SEC22A: variants seen among roughly 807,000 people sequenced by gnomAD.
SEC22A encodes the protein SEC22 homolog A, vesicle trafficking protein.
A neutral mutation model predicts 35.3 loss-of-function variants in SEC22A; 22 were observed. The observed-to-expected ratio is 0.62, with a 90% CI of 0.45 to 0.89. SEC22A has a LOEUF of 0.89. Among genes scored for constraint, SEC22A ranks in the 40% least tolerant of loss-of-function variants. The pLI is 0.00. For synonymous variants in SEC22A, 119 were observed against 129.5 expected, an observed-to-expected ratio of 0.92 and a Z score of 0.55; for missense variants, 354 against 362.5, an observed-to-expected ratio of 0.98 and a Z score of 0.19.
intron 4 of SEC22A, among the ~76,000 whole-genome samples, chr3:123,242,977 C>G (rs1039313561): frequency 2.0e-5 from 3 of 152,082 alleles, no homozygotes; most frequent in African/African-American, 7.2e-5. Flanking sequence ...ATATGAGAAT[C>G]TTGTTCTTCA....
intron 6 of SEC22A, among the ~76,000 whole-genome samples, chr3:123,270,687 A>G (rs1282262856): frequency 1.3e-5 from 2 of 152,218 alleles, no homozygotes; most frequent in Non-Finnish European, 2.9e-5. Flanking sequence ...CACATTTCTC[A>G]AGTATGTTTA....
intron 6 of SEC22A, among the ~76,000 whole-genome samples, chr3:123,264,167 C>G (rs1453261334): frequency 6.6e-6 from 1 of 152,130 alleles, no homozygotes; most frequent in African/African-American, 2.4e-5. Context: ...CCTCAGCCCC[C>G]ACAAAGCTCT....
chr3:123,216,766 T>C (rs1487895752), intron 2 of SEC22A, among the ~76,000 whole-genome samples: 1 of 152,228 alleles, frequency 6.6e-6, no homozygotes, highest in Non-Finnish European at 1.5e-5. Flanking sequence ...ATGAGACATA[T>C]TTGGTGATAA....
At chr3:123,262,750 A>T (rs1437812001) in intron 6 of SEC22A, among the ~76,000 whole-genome samples, 2 of 152,218 alleles carry the variant, frequency 1.3e-5, no homozygotes, top group African/African-American at 4.8e-5. Flanking sequence ...TTCAACTTAT[A>T]ATGAGTATAT....
At chr3:123,223,516 G>T (rs762645069) in intron 2 of SEC22A, 43 bp from the exon 3 acceptor site, 52 of 1,516,342 alleles carry the variant, frequency 3.4e-5, no homozygotes, top group Non-Finnish European at 4.7e-5. Flanking sequence ...GAATTACCTT[G>T]ATTTAATTTG....
chr3:123,253,210 T>TACCTTCTTGTATCTCATC (rs1937638076), intron 5 of SEC22A, among the ~76,000 whole-genome samples: 1 of 152,212 alleles, frequency 6.6e-6, no homozygotes, highest in Admixed American at 6.5e-5. Flanking sequence ...TGGGTTATTT[T>TACCTTCTTGTATCTCATC]ACCTTCTTGT....
chr3:123,248,494 CAAAA>C (rs200356942), intron 5 of SEC22A, among the ~76,000 whole-genome samples: 1,912 of 151,986 alleles, frequency 0.013, 38 homozygotes, highest in African/African-American at 0.045. Flanking sequence ...TGACACCAAA[CAAAA>C]AGAGACACTT....
At chr3:123,213,680 G>C (rs1559751456) in intron 2 of SEC22A, among the ~76,000 whole-genome samples, 2 of 151,938 alleles carry the variant, frequency 1.3e-5, no homozygotes, top group Non-Finnish European at 2.9e-5. Flanking sequence ...ATCTGCCATG[G>C]CTTATACTAT....
intron 6 of SEC22A, among the ~76,000 whole-genome samples, chr3:123,262,913 C>T (rs1051079151): frequency 2.6e-5 from 4 of 152,134 alleles, no homozygotes; most frequent in Non-Finnish European, 4.4e-5. Context: ...ATCTTACGTA[C>T]CCTTTACTGG....
At chr3:123,255,288 T>G (rs1414573939) in intron 5 of SEC22A, among the ~76,000 whole-genome samples, 3 of 152,328 alleles carry the variant, frequency 2.0e-5, no homozygotes, top group African/African-American at 7.2e-5. Context: ...TTGTTTTGTT[T>G]TGTTTCTCTC....
Position 123,245,931 on chromosome 3 carries a change from G to A in SEC22A, c.574G>A (p.Gly192Arg), listed in dbSNP as rs1410538540. The change falls in exon 5 of 7, where the codon GGG (glycine) becomes AGG (arginine). Residue 192 changes from glycine to arginine, a missense_variant. Coordinates refer to ENST00000492595, the MANE Select transcript of SEC22A (RefSeq NM_012430.5). ...GCGACTGGAACCAGCAACTCTGTCA[G>A]GGATTGTAGGATTTATCCTTAGTCT... ...HQRLEPATLSGIVGFILSLLC... is the reference protein window; with the variant it reads ...HQRLEPATLSRIVGFILSLLC... 1 of 1,611,998 alleles carries A rather than the reference G, an allele frequency of 6.2e-7. No individual in the cohort carries two copies. Among genetic ancestry groups the A allele is most frequent in the African/African-American group, 1.3e-5 (1 of 74,840 alleles).
chr3:123,244,985 A>G (rs567672037), intron 4 of SEC22A, among the ~76,000 whole-genome samples: 2 of 152,176 alleles, frequency 1.3e-5, no homozygotes, highest in African/African-American at 4.8e-5. Context: ...TGTATTTATG[A>G]AACTAAAATG....
At chr3:123,252,022 A>G (rs923125046) in intron 5 of SEC22A, among the ~76,000 whole-genome samples, 1 of 152,226 alleles carries the variant, frequency 6.6e-6, no homozygotes, top group Non-Finnish European at 1.5e-5. Flanking sequence ...TAAACCAGAT[A>G]GGTTCAAGAG....
At chr3:123,216,338 C>T (rs1041097790) in intron 2 of SEC22A, among the ~76,000 whole-genome samples, 1 of 152,098 alleles carries the variant, frequency 6.6e-6, no homozygotes, top group Non-Finnish European at 1.5e-5. Flanking sequence ...GAGATTAACT[C>T]TGAAGAAAAG....
intron 4 of SEC22A, among the ~76,000 whole-genome samples, chr3:123,241,070 A>T (rs1041254503): frequency 3.3e-5 from 5 of 151,348 alleles, no homozygotes; most frequent in Non-Finnish European, 5.9e-5. Flanking sequence ...ACAGGTATTT[A>T]TCATTTTTTT....
chr3:123,213,330 T>C (rs2108033093), intron 2 of SEC22A, among the ~76,000 whole-genome samples: 1 of 152,312 alleles, frequency 6.6e-6, no homozygotes, highest in Admixed American at 6.5e-5. Context: ...TGACTTAAAA[T>C]TCTCACACCA....
At chr3:123,205,113 G>C (rs1936831091) in intron 1 of SEC22A, among the ~76,000 whole-genome samples, 2 of 152,136 alleles carry the variant, frequency 1.3e-5, no homozygotes, top group East Asian at 3.8e-4. Context: ...TATGTTTATT[G>C]AATTGATGGA....
intron 6 of SEC22A, among the ~76,000 whole-genome samples, chr3:123,270,934 T>G (rs2108115183): frequency 6.6e-6 from 1 of 152,350 alleles, no homozygotes; most frequent in African/African-American, 2.4e-5. Flanking sequence ...GAACAAGGGC[T>G]TTGTTTTACT....
chr3:123,240,431 C>T (rs1329453171), intron 4 of SEC22A, among the ~76,000 whole-genome samples: 2 of 152,164 alleles, frequency 1.3e-5, no homozygotes, highest in Non-Finnish European at 2.9e-5. Flanking sequence ...TTCTTTTGCA[C>T]AGCATGATGT....
Sources: gnomAD v4.1 joint callset for allele counts (sites outside exome capture counted in the v4.1 genomes callset) on GRCh38, gnomAD v4.1.1 for gene constraint, MANE v1.5 for transcripts, NCBI Gene and HGNC (gene_info 2026-07-23, HGNC 2026-07-21) for gene names.